Variants in ST18 observed in about 807,000 individuals in gnomAD.
ST18 encodes suppression of tumorigenicity 18 protein.
In ST18, 50 loss-of-function variants were observed where a neutral mutation model predicts 110.0. That is an observed-to-expected ratio of 0.45 (90% CI 0.36 to 0.58). The LOEUF (loss-of-function observed/expected upper bound fraction) is 0.58. Among genes scored for constraint, ST18 ranks in the 20% least tolerant of loss-of-function variants. The probability of loss-of-function intolerance (pLI) is 0.00; values close to 1 mark genes in which losing one functional copy is unlikely to be tolerated. For synonymous variants in ST18, 461 were observed against 452.4 expected (o/e 1.02, Z -0.24); for missense variants, 1,306 against 1,280.1 (o/e 1.02, Z -0.31).
chr8:52,137,399 T>C, intron 18 of ST18, 22 bp downstream of exon 18: 1 of 1,613,748 alleles, frequency 6.2e-7, no homozygotes, highest in Admixed American at 1.7e-5. Context: ...AAAATCTGAC[T>C]GCACATGAGG....
chr8:52,228,840 G>GA (rs2090399024), intron 3 of ST18, among the ~76,000 whole-genome samples: 1 of 152,086 alleles, frequency 6.6e-6, no homozygotes, highest in Non-Finnish European at 1.5e-5. Flanking sequence ...CTCTGCAGCA[G>GA]AGACCTGGCC....
rs543024157 is a variant in ST18, at chr8:52,185,169, A to C, written c.87-4857T>G. ...CAGCCACAAACAATTAGAAAATAAA[A>C]ATTAAAAAACATTTACAATAGCATA... On this transcript the variant is annotated intron_variant, in intron 8 of 25. Coordinates refer to ENST00000689386, the MANE Select transcript of ST18 (RefSeq NM_001352837.2). Among the ~76,000 whole-genome samples, 25 of 152,300 alleles carry C rather than the reference A, an allele frequency of 1.6e-4. No individual in the cohort carries two copies. In the South Asian group the frequency reaches 2.5e-3, roughly 15 times the overall value.
intron 10 of ST18, among the ~76,000 whole-genome samples, chr8:52,171,356 A>G (rs866141208): frequency 7.2e-5 from 11 of 152,246 alleles, no homozygotes; most frequent in African/African-American, 2.7e-4. Flanking sequence ...ACGCATTAAC[A>G]TCTAGGTTTA....
At chr8:52,141,027 G>A (rs1408743561) in intron 17 of ST18, among the ~76,000 whole-genome samples, 1 of 152,166 alleles carries the variant, frequency 6.6e-6, no homozygotes, top group African/African-American at 2.4e-5. Context: ...TCAAGTCACT[G>A]AACCTGAAAC....
intron 2 of ST18, among the ~76,000 whole-genome samples, chr8:52,352,566 A>G (rs540272383): frequency 1.3e-5 from 2 of 152,192 alleles, no homozygotes; most frequent in Non-Finnish European, 2.9e-5. Flanking sequence ...CCATCAGCTA[A>G]GTCTAGGGCT....
intron 9 of ST18, among the ~76,000 whole-genome samples, chr8:52,176,576 C>T (rs758631550): frequency 2.7e-4 from 41 of 152,060 alleles, no homozygotes; most frequent in Non-Finnish European, 4.6e-4. Context: ...GAGGGAGCAG[C>T]GGCTGGAGCT....
chr8:52,289,235 A>C (rs1279318893), intron 2 of ST18, among the ~76,000 whole-genome samples: 1 of 152,176 alleles, frequency 6.6e-6, no homozygotes, highest in African/African-American at 2.4e-5. Context: ...TGATCCCAGC[A>C]ATTTGAGAGG....
intron 2 of ST18, among the ~76,000 whole-genome samples, chr8:52,361,292 CAA>C (rs748093426): frequency 1.3e-5 from 2 of 152,094 alleles, no homozygotes; most frequent in Non-Finnish European, 2.9e-5. Flanking sequence ...TATAAAAAGA[CAA>C]TATATAATCA....
chr8:52,206,964 A>T (rs1383385003), intron 8 of ST18, among the ~76,000 whole-genome samples: 1 of 152,210 alleles, frequency 6.6e-6, no homozygotes, highest in Non-Finnish European at 1.5e-5. Flanking sequence ...AATCAGTATC[A>T]GTTCACTTTT....
At chr8:52,165,375 A>G in intron 11 of ST18, 150 bp from the exon 12 acceptor site, 2 of 717,602 alleles carry the variant, frequency 2.8e-6, no homozygotes, top group Non-Finnish European at 4.6e-6. Flanking sequence ...ACAAGTGAGC[A>G]TGGAAGAACT....
chr8:52,189,596 G>C (rs2073763706), intron 8 of ST18, among the ~76,000 whole-genome samples: 1 of 152,216 alleles, frequency 6.6e-6, no homozygotes, highest in Non-Finnish European at 1.5e-5. Context: ...TTTCAAGGAA[G>C]TTCCCAATGG....
chr8:52,156,014 A>T (rs1337487941), intron 15 of ST18, among the ~76,000 whole-genome samples: 1 of 152,178 alleles, frequency 6.6e-6, no homozygotes, highest in Non-Finnish European at 1.5e-5. Context: ...ATGCAAGCAG[A>T]GGAGAATTGA....
chr8:52,138,512 A>T (rs181874071), intron 17 of ST18, among the ~76,000 whole-genome samples: 7 of 152,324 alleles, frequency 4.6e-5, no homozygotes, highest in African/African-American at 1.7e-4. Flanking sequence ...TGAGCCTAGG[A>T]GTTCGAGCCT....
chr8:52,185,467 C>T (rs2071689060), intron 8 of ST18, among the ~76,000 whole-genome samples: 1 of 151,988 alleles, frequency 6.6e-6, no homozygotes, highest in Admixed American at 6.6e-5. Context: ...AGAGCAAAGA[C>T]AATGTTGGAA....
chr8:52,158,124 C>T (rs2060474954), intron 15 of ST18, among the ~76,000 whole-genome samples: 1 of 152,228 alleles, frequency 6.6e-6, no homozygotes, highest in Admixed American at 6.5e-5. Flanking sequence ...ATCGCTGTGA[C>T]TGTGGCATCA....
intron 2 of ST18, chr8:52,313,272 C>T (rs2095956456): frequency 6.6e-6 from 1 of 152,446 alleles, no homozygotes; most frequent in African/African-American, 2.4e-5. Context: ...CCACCACAAG[C>T]CCTGCTAGCA....
chr8:52,141,826 G>T (rs560333219), intron 17 of ST18, among the ~76,000 whole-genome samples: 1 of 152,298 alleles, frequency 6.6e-6, no homozygotes, highest in Admixed American at 6.5e-5. Flanking sequence ...CCCCTGTGGG[G>T]TGGTGGGTGG....
chr8:52,310,447 T>A (rs1460548583), intron 2 of ST18, among the ~76,000 whole-genome samples: 1 of 152,246 alleles, frequency 6.6e-6, no homozygotes, highest in Non-Finnish European at 1.5e-5. Flanking sequence ...TAAGCCCTTG[T>A]GTCTGTGACA....
At chr8:52,391,353 G>A (rs1839264795) in intron 2 of ST18, among the ~76,000 whole-genome samples, 1 of 152,196 alleles carries the variant, frequency 6.6e-6, no homozygotes. Flanking sequence ...TGACAGGCCA[G>A]CGAGGGTGCA....
Sources: gnomAD v4.1 joint callset for allele counts (sites outside exome capture counted in the v4.1 genomes callset) on GRCh38, gnomAD v4.1.1 for gene constraint, MANE v1.5 for transcripts, NCBI Gene and HGNC (gene_info 2026-07-23, HGNC 2026-07-21) for gene names.